MARVELD2: variants seen among roughly 807,000 people sequenced by gnomAD.
MARVELD2 encodes the protein MARVEL domain containing 2, also known as MARVEL domain-containing protein 2.
MARVELD2 carries 49 observed loss-of-function variants against 57.6 expected under a neutral mutation model. The observed-to-expected ratio is 0.85, with a 90% CI of 0.68 to 1.08. MARVELD2 has a LOEUF of 1.08. Ranked by LOEUF, MARVELD2 falls within the 50% of genes least tolerant of loss-of-function variation. The pLI is 0.00. For synonymous variants in MARVELD2, 238 were observed against 258.8 expected (o/e 0.92, Z 0.77); for missense variants, 606 against 701.1 (o/e 0.86, Z 1.53).
In MARVELD2 at chr5:69,419,893, C is replaced by T. The variant is rs149942219; in HGVS notation, c.508C>T (p.Arg170Ter). Residue 170 changes from arginine (R) to a stop codon, truncating the protein, a stop_gained, in exon 2 of 7, where the codon CGA becomes TGA. Transcript: ENST00000325631. LOFTEE classifies it high-confidence loss of function. The part of the protein sequence containing the change: ...GSLDRHTQTV[R>*]TYSEKVEEYN... ...TCTAGACCGACACACACAAACAGTT[C>T]GAACATACAGTGAGAAGGTGGAGGA... is the stretch of plus-strand genomic sequence containing the variant. The T allele has an allele frequency of 2.0e-5, 33 of 1,614,096 alleles. No individual in the cohort carries two copies. The highest frequency in any genetic ancestry group is 1.3e-4 in the African/African-American group (10 of 74,992).
intron 3 of MARVELD2, among the ~76,000 whole-genome samples, chr5:69,426,492 AC>A (rs1766798434): frequency 6.6e-6 from 1 of 151,442 alleles, no homozygotes; most frequent in Non-Finnish European, 1.5e-5. Context: ...CCGCCACCAC[AC>A]CCAGCCAATT....
intron 5 of MARVELD2, among the ~76,000 whole-genome samples, chr5:69,434,983 G>A (rs1403592983): frequency 2.7e-5 from 4 of 149,192 alleles, no homozygotes; most frequent in South Asian, 2.1e-4. Context: ...GTGAGCCACC[G>A]TGCCTGGCCA....
At chr5:69,438,841 G>A (rs946776540) in intron 5 of MARVELD2, among the ~76,000 whole-genome samples, 4 of 151,640 alleles carry the variant, frequency 2.6e-5, no homozygotes, top group South Asian at 2.1e-4. Context: ...AGCCGAGATC[G>A]CACCACTGCA....
chr5:69,418,431 A>G (rs796445066), intron 1 of MARVELD2, among the ~76,000 whole-genome samples: 61 of 152,278 alleles, frequency 4.0e-4, no homozygotes, highest in African/African-American at 1.4e-3. Context: ...TTTGAGGTGG[A>G]TTGAATACCT....
intron 3 of MARVELD2, among the ~76,000 whole-genome samples, chr5:69,428,182 GA>G (rs67763488): frequency 8.6e-6 from 1 of 116,066 alleles, no homozygotes; most frequent in Non-Finnish European, 1.8e-5. Flanking sequence ...AAAAAGAGCA[GA>G]AAAAAAGTTA....
intron 2 of MARVELD2, 88 bp from the exon 3 acceptor site, chr5:69,424,513 G>A: frequency 9.3e-7 from 1 of 1,076,798 alleles, no homozygotes; most frequent in Non-Finnish European, 1.4e-6. Context: ...TTAAAATTGA[G>A]GTTGGGCTAT....
chr5:69,426,870 C>T (rs1034561847), intron 3 of MARVELD2, among the ~76,000 whole-genome samples: 1 of 151,894 alleles, frequency 6.6e-6, no homozygotes, highest in Non-Finnish European at 1.5e-5. Context: ...AGAGGTCTCA[C>T]TATGTTGCCT....
chr5:69,437,615 C>T (rs1158169712), intron 5 of MARVELD2, among the ~76,000 whole-genome samples: 6 of 151,090 alleles, frequency 4.0e-5, no homozygotes, highest in Non-Finnish European at 5.9e-5. Context: ...ACCTGGGAGG[C>T]GGAGGTTGCA....
intron 2 of MARVELD2, among the ~76,000 whole-genome samples, chr5:69,423,578 C>T (rs554521148): frequency 2.0e-5 from 3 of 151,976 alleles, no homozygotes; most frequent in Non-Finnish European, 4.4e-5. Flanking sequence ...AGTTTTATAA[C>T]AAGTACCTAC....
chr5:69,422,112 A>G (rs299093), intron 2 of MARVELD2, among the ~76,000 whole-genome samples: 72,767 of 151,810 alleles, frequency 0.48, 17,575 homozygotes, highest in South Asian at 0.54. Flanking sequence ...ACTGAGGAGG[A>G]TGTATGTTGC....
At position 69,419,586 on chromosome 5, in the gene MARVELD2, A is replaced by C; in HGVS notation, c.201A>C (p.Glu67Asp). 6.2e-7 allele frequency: 1 copy of C among 1,614,100 alleles called. No individual in the cohort carries two copies. The highest frequency in any genetic ancestry group is 1.1e-5 in the South Asian group (1 of 91,062). The change falls in exon 2 of 7, where the codon GAA becomes GAC. Residue 67 changes from glutamate (E) to aspartate (D), a missense_variant. Physicochemically the swap from Glu to Asp is conservative, Grantham distance 45. Transcript: ENST00000325631. The stretch of plus-strand genomic sequence containing the variant: ...CAGACTTCTACTCAAGTGACACAGA[A>C]GAACCAGCTATAGCGCCAGATCTCA... ...FGPDFYSSDT[E>D]EPAIAPDLKP...
chr5:69,419,274 G>T, intron 1 of MARVELD2, 97 bp from the exon 2 acceptor site: 1 of 1,140,876 alleles, frequency 8.8e-7, no homozygotes. Context: ...TGATCCTGTT[G>T]GTCTCCTAAA....
intron 2 of MARVELD2, among the ~76,000 whole-genome samples, chr5:69,423,248 G>A (rs760530819): frequency 3.1e-4 from 47 of 151,916 alleles, no homozygotes; most frequent in Non-Finnish European, 4.1e-4. Context: ...TTTTGTTGTC[G>A]TTGTTGTTGT....
At chr5:69,432,735 T>G (rs1186008587) in intron 4 of MARVELD2, 60 bp downstream of exon 4, 3 of 1,610,734 alleles carry the variant, frequency 1.9e-6, no homozygotes, top group Non-Finnish European at 2.5e-6. Flanking sequence ...TTTGGTCCTT[T>G]CATTTTCCAG....
At chr5:69,424,844 G>A (rs551641765) in intron 3 of MARVELD2, among the ~76,000 whole-genome samples, 10 of 152,128 alleles carry the variant, frequency 6.6e-5, no homozygotes, top group African/African-American at 2.4e-4. Flanking sequence ...GGCCAAAATG[G>A]TGAAACCCTG....
chr5:69,442,246 G>A lies in MARVELD2; in HGVS notation c.*592G>A, dbSNP rs1039075598. ...TGCTACTTTTTCCTTTTTTACTCAG[G>A]CAGGTTCCTAGGATTTTTCTGGGAC... is the stretch of plus-strand genomic sequence containing the variant. On this transcript the variant is annotated 3_prime_UTR_variant, in exon 7 of 7. Transcript: ENST00000325631. 1.3e-5 allele frequency: 2 copies of A among 152,078 alleles called. No individual in the cohort carries two copies. Among genetic ancestry groups the A allele is most frequent in the Non-Finnish European group, 2.9e-5 (2 of 68,036 alleles). 9.4% of individuals were successfully genotyped at this position (152,078 alleles called of 1,614,324 possible). A position where few individuals can be genotyped will look rare whatever the true frequency, so the allele number is the denominator to read the frequency against.
chr5:69,420,406 C>T lies in MARVELD2; in HGVS notation c.1021C>T (p.Gln341Ter). ...AGTGTTCTGCCGGGTAGAAGGAGGA[C>T]AGATAGCTGCAATGATCTTCCTGTT... Reference protein sequence around the residue: ...NAVFCRVEGGQIAAMIFLFVT... With the variant: ...NAVFCRVEGG The change falls in exon 2 of 7, where the codon CAG (glutamine) becomes TAG (stop). Residue 341 changes from glutamine to a stop codon, truncating the protein, a stop_gained. Coordinates refer to ENST00000325631, the MANE Select transcript of MARVELD2 (RefSeq NM_001038603.3). LOFTEE classifies it high-confidence loss of function. The T allele has an allele frequency of 6.2e-7, 1 of 1,613,994 alleles. No homozygotes were observed. Among genetic ancestry groups the T allele is most frequent in the East Asian group, 2.2e-5 (1 of 44,886 alleles).
At chr5:69,417,329 T>C (rs1262113150) in intron 1 of MARVELD2, among the ~76,000 whole-genome samples, 1 of 152,216 alleles carries the variant, frequency 6.6e-6, no homozygotes, top group Non-Finnish European at 1.5e-5. Context: ...ATCTATCATC[T>C]GTCAATCTGC....
chr5:69,435,092 G>A (rs1014331542), intron 5 of MARVELD2, among the ~76,000 whole-genome samples: 2 of 148,232 alleles, frequency 1.3e-5, no homozygotes, highest in Admixed American at 6.9e-5. Context: ...GTGCAATCTC[G>A]GCTCACTGCA....
Sources: gnomAD v4.1 joint callset for allele counts (sites outside exome capture counted in the v4.1 genomes callset) on GRCh38, gnomAD v4.1.1 for gene constraint, MANE v1.5 for transcripts, NCBI Gene and HGNC (gene_info 2026-07-23, HGNC 2026-07-21) for gene names.